Variants in SCAPER observed in about 807,000 individuals in gnomAD.
SCAPER encodes S phase cyclin A-associated protein in the endoplasmic reticulum.
In SCAPER, 98 loss-of-function variants were observed where a neutral mutation model predicts 182.2. The ratio of observed to expected loss-of-function variants is 0.54; its 90% CI spans 0.46 to 0.64. The LOEUF (loss-of-function observed/expected upper bound fraction) is 0.64, where lower values mean the gene tolerates loss of function less well. Among genes scored for constraint, SCAPER ranks in the 30% least tolerant of loss-of-function variants. The pLI is 0.00. For synonymous variants in SCAPER, 605 were observed against 564.6 expected (o/e 1.07, Z -1.01); for missense variants, 1,432 against 1,690.0 (o/e 0.85, Z 2.68).
chr15:76,712,372 G>A (rs902120838), intron 17 of SCAPER, among the ~76,000 whole-genome samples: 1 of 152,186 alleles, frequency 6.6e-6, no homozygotes, highest in Non-Finnish European at 1.5e-5. Context: ...CAGGTAGTGT[G>A]ATGCCTCCAG....
chr15:76,552,742 G>A (rs1222207387), intron 23 of SCAPER, among the ~76,000 whole-genome samples: 2 of 152,098 alleles, frequency 1.3e-5, no homozygotes, highest in Non-Finnish European at 2.9e-5. Flanking sequence ...GTCCATGCCT[G>A]CCCCCACCCC....
intron 26 of SCAPER, among the ~76,000 whole-genome samples, chr15:76,418,099 C>T (rs911091974): frequency 4.6e-5 from 7 of 152,066 alleles, no homozygotes; most frequent in African/African-American, 1.7e-4. Context: ...GGTGGTTGTC[C>T]CCCTCCACCC....
intron 24 of SCAPER, among the ~76,000 whole-genome samples, chr15:76,496,039 CAG>C (rs2040498589): frequency 6.9e-6 from 1 of 145,294 alleles, no homozygotes. Flanking sequence ...CACACACACA[CAG>C]AATGAGAGAG....
At chr15:76,496,227 C>T (rs2040522200) in intron 24 of SCAPER, among the ~76,000 whole-genome samples, 1 of 149,406 alleles carries the variant, frequency 6.7e-6, no homozygotes, top group South Asian at 2.1e-4. Context: ...CATTAACAAC[C>T]TTTTTTTTTT....
intron 2 of SCAPER, among the ~76,000 whole-genome samples, chr15:76,866,703 T>A (rs1345274513): frequency 1.3e-5 from 2 of 152,198 alleles, no homozygotes; most frequent in African/African-American, 4.8e-5. Flanking sequence ...TTTTTAGTAG[T>A]CCAGTTCTTA....
Position 76,376,015 on chromosome 15 carries a change from G to A in SCAPER, c.3855+147C>T, listed in dbSNP as rs760239937. On this transcript the variant is annotated intron_variant, in intron 29 of 31. Transcript: ENST00000563290. ...GAAAAAAAATCTATTTGAAGAGAAG[G>A]AGCTAGAGGCATATTCCTGCAGTCT... 9.8e-6 allele frequency: 9 copies of A among 919,786 alleles called. No homozygotes were observed. In the South Asian group the frequency reaches 1.4e-4, roughly 14 times the overall value. 57.0% of individuals were successfully genotyped at this position (919,786 alleles called of 1,614,324 possible).
chr15:76,511,223 A>G (rs922818977), intron 23 of SCAPER, among the ~76,000 whole-genome samples: 1 of 152,212 alleles, frequency 6.6e-6, no homozygotes, highest in Admixed American at 6.5e-5. Flanking sequence ...ATGTAACCAA[A>G]TATCACCTGT....
chr15:76,763,791 C>T (rs1869288435), intron 14 of SCAPER, among the ~76,000 whole-genome samples: 1 of 152,172 alleles, frequency 6.6e-6, no homozygotes, highest in African/African-American at 2.4e-5. Context: ...TTCTTCACCT[C>T]TAGAATTTGT....
At chr15:76,680,738 TGCACCA>T (rs2057657158) in intron 20 of SCAPER, among the ~76,000 whole-genome samples, 1 of 152,154 alleles carries the variant, frequency 6.6e-6, no homozygotes, top group Admixed American at 6.5e-5. Flanking sequence ...GATCTCTGCA[TGCACCA>T]GCTCCTCTTC....
intron 2 of SCAPER, among the ~76,000 whole-genome samples, chr15:76,865,061 C>T (rs980285899): frequency 5.3e-5 from 8 of 152,122 alleles, no homozygotes; most frequent in Admixed American, 4.6e-4. Flanking sequence ...GAGATTATCA[C>T]TGATACAGAA....
At chr15:76,862,026 GA>G (rs2071918084) in intron 3 of SCAPER, 1 of 154,952 alleles carries the variant, frequency 6.5e-6, no homozygotes, top group Admixed American at 6.5e-5. Context: ...CAGCATGGGG[GA>G]AACCACCCCC....
At chr15:76,752,850 T>C (rs1175180204) in intron 15 of SCAPER, among the ~76,000 whole-genome samples, 1 of 151,594 alleles carries the variant, frequency 6.6e-6, no homozygotes, top group Non-Finnish European at 1.5e-5. Context: ...AATTGTATAC[T>C]TAACAATGAT....
intron 20 of SCAPER, among the ~76,000 whole-genome samples, chr15:76,688,413 T>C (rs1317660765): frequency 1.3e-5 from 2 of 152,220 alleles, no homozygotes; most frequent in African/African-American, 2.4e-5. Context: ...GTAGTTTCTT[T>C]TGCTGTGCAG....
intron 23 of SCAPER, among the ~76,000 whole-genome samples, chr15:76,506,182 C>T (rs2041561490): frequency 1.3e-5 from 2 of 152,076 alleles, no homozygotes; most frequent in Admixed American, 6.6e-5. Context: ...AGAATAAGAC[C>T]TAGTACTTGA....
At chr15:76,620,064 A>C (rs1402409670) in intron 22 of SCAPER, among the ~76,000 whole-genome samples, 2 of 152,166 alleles carry the variant, frequency 1.3e-5, no homozygotes, top group Non-Finnish European at 2.9e-5. Context: ...CGACAGAGCG[A>C]GACTCTGTCT....
At chr15:76,644,145 A>C (rs1446097313) in intron 21 of SCAPER, among the ~76,000 whole-genome samples, 1 of 152,122 alleles carries the variant, frequency 6.6e-6, no homozygotes, top group Non-Finnish European at 1.5e-5. Flanking sequence ...GAAGGTATAT[A>C]CGATCAAAAC....
At chr15:76,492,253 C>T (rs935384883) in intron 24 of SCAPER, among the ~76,000 whole-genome samples, 3 of 152,264 alleles carry the variant, frequency 2.0e-5, no homozygotes, top group Middle Eastern at 3.4e-3. Flanking sequence ...AATTTTAAAA[C>T]GAGCAAAACC....
chr15:76,616,361 C>T lies in SCAPER; in HGVS notation c.2711+5403G>A, dbSNP rs564890527. The stretch of plus-strand genomic sequence containing the variant: ...AGGATATTATGATAAATGAAATAAG[C>T]CTATCACAAAAAGACAAATACTGTA... On this transcript the variant is annotated intron_variant, in intron 22 of 31. Coordinates refer to ENST00000563290, the MANE Select transcript of SCAPER (RefSeq NM_020843.4). Among the ~76,000 whole-genome samples the T allele has an allele frequency of 4.6e-5, 7 of 152,040 alleles. No homozygotes were observed. The South Asian group carries it at 6.2e-4, about 14-fold the overall frequency.
chr15:76,701,078 C>T (rs978192849), intron 20 of SCAPER, among the ~76,000 whole-genome samples: 1 of 129,498 alleles, frequency 7.7e-6, no homozygotes, highest in Non-Finnish European at 1.6e-5. Flanking sequence ...ATGCTCTTGA[C>T]TAATGAATGC....
Sources: gnomAD v4.1 joint callset for allele counts (sites outside exome capture counted in the v4.1 genomes callset) on GRCh38, gnomAD v4.1.1 for gene constraint, MANE v1.5 for transcripts, NCBI Gene and HGNC (gene_info 2026-07-23, HGNC 2026-07-21) for gene names.